DLGAP2: variants seen among roughly 807,000 people sequenced by gnomAD.
The protein encoded by DLGAP2 is DLG associated protein 2, also known as disks large-associated protein 2.
In DLGAP2, 26 loss-of-function variants were observed where a neutral mutation model predicts 100.3. That is an observed-to-expected ratio of 0.26 (90% CI 0.19 to 0.36). DLGAP2 has a LOEUF of 0.36. Ranked by LOEUF, DLGAP2 falls within the 10% of genes least tolerant of loss-of-function variation. The probability of loss-of-function intolerance (pLI) is 1.00; values close to 1 mark genes in which losing one functional copy is unlikely to be tolerated. For missense variants in DLGAP2, 1,858 were observed against 1,453.2 expected, an observed-to-expected ratio of 1.28 and a Z score of -4.53; for synonymous variants, 886 against 630.1, an observed-to-expected ratio of 1.41 and a Z score of -6.08.
At chr8:1,430,609 C>T (rs1288628709) in intron 3 of DLGAP2, among the ~76,000 whole-genome samples, 1 of 152,194 alleles carries the variant, frequency 6.6e-6, no homozygotes, top group Non-Finnish European at 1.5e-5. Flanking sequence ...GACCATGGAT[C>T]TCACACAGTT....
intron 1 of DLGAP2, among the ~76,000 whole-genome samples, chr8:868,709 G>T (rs1016353870): frequency 6.6e-6 from 1 of 152,154 alleles, no homozygotes; most frequent in African/African-American, 2.4e-5. Context: ...TGTGTCTGAG[G>T]CGTCTGCAGC....
rs558705185 is a variant in DLGAP2 at position 1,548,765 on chromosome 8, G to A, written c.312G>A (p.Pro104=). 9.9e-5 allele frequency: 159 copies of A among 1,599,352 alleles called. No individual in the cohort carries two copies. The Middle Eastern group carries it at 1.0e-3, about 10-fold the overall frequency. Residue 104 remains proline (P), a synonymous_variant, in exon 5 of 15, where the codon CCG becomes CCA. Coordinates refer to ENST00000637795, the MANE Select transcript of DLGAP2 (RefSeq NM_001346810.2). ...CSGHTCGLAP[P]EDCEHLHHGP... ...GGCACACGTGTGGTCTGGCGCCCCC[G>A]GAGGACTGCGAGCACCTGCACCACG...
chr8:1,546,201 C>T (rs1217930725), intron 4 of DLGAP2, among the ~76,000 whole-genome samples: 2 of 152,314 alleles, frequency 1.3e-5, no homozygotes, highest in East Asian at 3.9e-4. Flanking sequence ...TGTGAGACAG[C>T]GTAGGCACCT....
Position 1,479,569 on chromosome 8 carries a change from G to T in DLGAP2, c.107-21797G>T, listed in dbSNP as rs549935891. Among the ~76,000 whole-genome samples, 18 of 152,324 alleles carry T rather than the reference G, an allele frequency of 1.2e-4. No individual in the cohort carries two copies. The East Asian group carries it at 3.1e-3, about 26-fold the overall frequency. ...TAATTCATAAGCAGAGGGGAAGGCT[G>T]TGCGTTTCATTTCCCCTGCTTATCG... On this transcript the variant is annotated intron_variant, in intron 3 of 14. Coordinates refer to ENST00000637795, the MANE Select transcript of DLGAP2 (RefSeq NM_001346810.2).
intron 3 of DLGAP2, among the ~76,000 whole-genome samples, chr8:1,374,307 C>T (rs1423244153): frequency 2.0e-5 from 3 of 151,816 alleles, no homozygotes; most frequent in Non-Finnish European, 4.4e-5. Context: ...GGCCTTCTCC[C>T]TGCCCCACGG....
chr8:1,546,380 C>G (rs758339907), intron 4 of DLGAP2, among the ~76,000 whole-genome samples: 1 of 152,200 alleles, frequency 6.6e-6, no homozygotes, highest in African/African-American at 2.4e-5. Context: ...GAAATCTTTA[C>G]GTTCCCTTCT....
intron 2 of DLGAP2, among the ~76,000 whole-genome samples, chr8:1,034,432 T>G (rs1802072358): frequency 5.4e-5 from 1 of 18,672 alleles, no homozygotes; most frequent in African/African-American, 4.1e-4. Flanking sequence ...TCACCGCGAG[T>G]GGATTCACAC....
At chr8:841,591 G>C (rs1796984789) in intron 1 of DLGAP2, among the ~76,000 whole-genome samples, 1 of 151,808 alleles carries the variant, frequency 6.6e-6, no homozygotes, top group South Asian at 2.1e-4. Context: ...TTTTTTTTGA[G>C]ATGAGGTCTT....
At chr8:1,354,214 T>A (rs1357558991) in intron 3 of DLGAP2, among the ~76,000 whole-genome samples, 3 of 151,944 alleles carry the variant, frequency 2.0e-5, no homozygotes, top group African/African-American at 7.3e-5. Flanking sequence ...AAAAAGAAAA[T>A]ACTTACGGAG....
chr8:1,347,433 G>A (rs1263626091), intron 3 of DLGAP2, among the ~76,000 whole-genome samples: 1 of 151,416 alleles, frequency 6.6e-6, no homozygotes, highest in East Asian at 2.0e-4. Flanking sequence ...TTGCACTCAT[G>A]GCAACTATGT....
chr8:1,171,788 A>G (rs1797133784), intron 2 of DLGAP2, among the ~76,000 whole-genome samples: 1 of 151,974 alleles, frequency 6.6e-6, no homozygotes, highest in Non-Finnish European at 1.5e-5. Flanking sequence ...TCTGCACGTG[A>G]GATGGGTTTC....
intron 2 of DLGAP2, among the ~76,000 whole-genome samples, chr8:1,160,020 C>G (rs919949083): frequency 2.6e-5 from 4 of 152,172 alleles, no homozygotes; most frequent in African/African-American, 9.7e-5. Context: ...ACCACCTGCA[C>G]GCTGTTTGTG....
intron 10 of DLGAP2, among the ~76,000 whole-genome samples, chr8:1,672,230 T>TTA (rs1341569427): frequency 7.2e-6 from 1 of 138,834 alleles, no homozygotes; most frequent in African/African-American, 2.6e-5. Flanking sequence ...TATTTTTAAT[T>TTA]TTTTTTTTTT....
At chr8:850,537 G>C (rs1255365254) in intron 1 of DLGAP2, among the ~76,000 whole-genome samples, 2 of 152,166 alleles carry the variant, frequency 1.3e-5, no homozygotes, top group Non-Finnish European at 2.9e-5. Context: ...CAATTTGTCA[G>C]AGTATGTATC....
chr8:1,676,712 C>G, intron 11 of DLGAP2, 94 bp downstream of exon 11: 1 of 1,244,860 alleles, frequency 8.0e-7, no homozygotes. Flanking sequence ...GGCCCTCAAT[C>G]ATGCCTGTCC....
chr8:1,472,791 T>C (rs191734279), intron 3 of DLGAP2, among the ~76,000 whole-genome samples: 1 of 152,324 alleles, frequency 6.6e-6, no homozygotes, highest in Admixed American at 6.5e-5. Flanking sequence ...TGAACTCCCA[T>C]AAAATGCAAA....
At chr8:766,768 A>T (rs1821226433) in intron 1 of DLGAP2, among the ~76,000 whole-genome samples, 1 of 152,206 alleles carries the variant, frequency 6.6e-6, no homozygotes, top group South Asian at 2.1e-4. Flanking sequence ...TGCCAGCGTC[A>T]GACAGTTTAG....
intron 2 of DLGAP2, among the ~76,000 whole-genome samples, chr8:1,121,083 C>A (rs1448370882): frequency 6.6e-6 from 1 of 151,542 alleles, no homozygotes; most frequent in East Asian, 2.0e-4. Flanking sequence ...CTTTAGAACC[C>A]CTGATCACCC....
At chr8:1,251,231 A>G (rs898868302) in intron 2 of DLGAP2, among the ~76,000 whole-genome samples, 5 of 152,212 alleles carry the variant, frequency 3.3e-5, no homozygotes, top group African/African-American at 1.2e-4. Context: ...ATAAATATAC[A>G]TGACTGGTGT....
Sources: allele counts gnomAD v4.1 joint callset (sites outside exome capture counted in the v4.1 genomes callset), GRCh38; gene constraint gnomAD v4.1.1; transcripts MANE v1.5; gene names NCBI Gene and HGNC (gene_info 2026-07-23, HGNC 2026-07-21).